Variants in DBH observed in about 807,000 individuals in gnomAD.
The protein encoded by DBH is dopamine beta-hydroxylase.
In DBH, 49 loss-of-function variants were observed where a neutral mutation model predicts 64.0. The observed-to-expected ratio is 0.77, with a 90% CI of 0.61 to 0.97. DBH has a LOEUF of 0.97. Among genes scored for constraint, DBH ranks in the 50% least tolerant of loss-of-function variants. DBH has a pLI of 0.00. For missense variants in DBH, 828 were observed against 826.6 expected, an observed-to-expected ratio of 1.00 and a Z score of -0.02; for synonymous variants, 343 against 347.1, an observed-to-expected ratio of 0.99 and a Z score of 0.13.
chr9:133,647,770 G>A, intron 5 of DBH, 76 bp from the exon 6 acceptor site: 1 of 1,579,640 alleles, frequency 6.3e-7, no homozygotes, highest in African/African-American at 1.4e-5. Context: ...TGGGGTCATA[G>A]GGATAATCTG....
At chr9:133,657,271 G>T (rs766703857) in intron 11 of DBH, 42 bp downstream of exon 11, 2 of 1,611,062 alleles carry the variant, frequency 1.2e-6, no homozygotes, top group South Asian at 1.1e-5. Flanking sequence ...AGTCAGGCAG[G>T]CCTCATGGGG....
intron 10 of DBH, 101 bp from the exon 11 acceptor site, chr9:133,656,969 C>T: frequency 7.2e-7 from 1 of 1,383,804 alleles, no homozygotes; most frequent in Non-Finnish European, 1.0e-6. Context: ...GGACGGTTGC[C>T]CCAGGGACAG....
intron 6 of DBH, among the ~76,000 whole-genome samples, chr9:133,649,725 A>C (rs541649399): frequency 6.6e-6 from 1 of 152,350 alleles, no homozygotes; most frequent in East Asian, 1.9e-4. Flanking sequence ...GCGTGGGCCC[A>C]TGTAAAAGGC....
chr9:133,652,987 G>A lies in DBH; in HGVS notation c.1422G>A (p.Glu474=). The change falls in exon 9 of 12, where the codon GAG becomes GAA. Residue 474 remains glutamate, a synonymous_variant. Coordinates refer to ENST00000393056, the MANE Select transcript of DBH (RefSeq NM_000787.4). ...GCACGTACAACACAGAAGACCGGGA[G>A]CTGGCCACAGTGGTAAGTCACCCCC... The part of the protein sequence containing the change: ...TSCTYNTEDR[E]LATVGGFGIL... 2 of 1,613,316 alleles carry A rather than the reference G, an allele frequency of 1.2e-6. No individual in the cohort carries two copies. Among genetic ancestry groups the A allele is most frequent in the East Asian group, 2.2e-5 (1 of 44,872 alleles).
chr9:133,654,592 TGTCA>T (rs1419226288), intron 9 of DBH: 1 of 152,240 alleles, frequency 6.6e-6, no homozygotes, highest in African/African-American at 2.4e-5. Flanking sequence ...AGGACAGCTT[TGTCA>T]GTCCTTTATT....
At chr9:133,653,916 T>C (rs1832281196) in intron 9 of DBH, among the ~76,000 whole-genome samples, 1 of 152,174 alleles carries the variant, frequency 6.6e-6, no homozygotes, top group Non-Finnish European at 1.5e-5. Context: ...GCTGCTTCGG[T>C]AACCATGGTG....
chr9:133,643,505 C>A lies in DBH; in HGVS notation c.837C>A (p.Phe279Leu). The change falls in exon 4 of 12, where the codon TTC becomes TTA. Residue 279 changes from phenylalanine (F) to leucine (L), a missense_variant. Phe to Leu is a conservative substitution (Grantham distance 22, BLOSUM62 0). Transcript: ENST00000393056. This position sits in a 1 kb window ranked among gnomAD's most constrained non-coding sequence, Gnocchi z 5.3. ...CAPEMDSVPHFSGPCDSKMKP... is the reference protein window; with the variant it reads ...CAPEMDSVPHLSGPCDSKMKP... The stretch of plus-strand genomic sequence containing the variant: ...CCGAGATGGACAGCGTCCCCCACTT[C>A]AGCGGGCCCTGCGACTCCAAGATGA... 6.2e-7 allele frequency: 1 copy of A among 1,613,892 alleles called. No individual in the cohort carries two copies. The highest frequency in any genetic ancestry group is 8.5e-7 in the Non-Finnish European group (1 of 1,179,996).
chr9:133,651,604 C>T, intron 6 of DBH, 30 bp from the exon 7 acceptor site: 1 of 1,612,352 alleles, frequency 6.2e-7, no homozygotes, highest in South Asian at 1.1e-5. Context: ...GGGGGTCAGG[C>T]CCTGACACTG....
chr9:133,643,290 T>G lies in DBH; in HGVS notation c.745-123T>G. ...AGGCTGTGAACCCCAGAAGTGCCCC[T>G]GAAATTGTCTGGATCATCCCTCCCA... On this transcript the variant is annotated intron_variant, in intron 3 of 11. Transcript: ENST00000393056. The surrounding 1 kb of genome is among the most constrained non-coding windows in gnomAD (Gnocchi z 5.3). The G allele has an allele frequency of 2.8e-6, 3 of 1,058,252 alleles. No homozygotes were observed. Among genetic ancestry groups the G allele is most frequent in the Non-Finnish European group, 4.3e-6 (3 of 703,072 alleles). 65.6% of individuals were successfully genotyped at this position (1,058,252 alleles called of 1,614,324 possible).
chr9:133,639,888 C>T lies in DBH; in HGVS notation c.382C>T (p.Gln128Ter), dbSNP rs1268865720. ...GAAGGGGCAGATCCACCTGGATCCC[C>T]AGCAGGACTACCAGCTGCTGCAGGT... The part of the protein sequence containing the change: ...DQKGQIHLDP[Q>*]QDYQLLQVQR... Residue 128 changes from glutamine to a stop codon, truncating the protein, a stop_gained, in exon 2 of 12, where the codon CAG becomes TAG. Coordinates refer to ENST00000393056, the MANE Select transcript of DBH (RefSeq NM_000787.4). LOFTEE classifies it high-confidence loss of function. The T allele has an allele frequency of 6.2e-7, 1 of 1,612,946 alleles. No homozygotes were observed. Among genetic ancestry groups the T allele is most frequent in the Non-Finnish European group, 8.5e-7 (1 of 1,179,686 alleles).
chr9:133,647,762 G>A, intron 5 of DBH, 84 bp from the exon 6 acceptor site: 1 of 1,549,538 alleles, frequency 6.5e-7, no homozygotes, highest in Non-Finnish European at 8.8e-7. Context: ...AGGGTGGCTG[G>A]GGTCATAGGG....
At position 133,658,753 on chromosome 9, in the gene DBH, G is replaced by T. The variant is rs923879612; in HGVS notation, c.*306G>T. 54 of 232,190 alleles carry T rather than the reference G, an allele frequency of 2.3e-4. No homozygotes were observed. The highest frequency in any genetic ancestry group is 1.1e-3 in the African/African-American group (50 of 44,106). 14.4% of individuals were successfully genotyped at this position (232,190 alleles called of 1,614,324 possible). ...ACAGTGGTCCAGGGTCCAGCCCTCC[G>T]CCAGCCCTGTTCCGCCTCACTGGGT... On this transcript the variant is annotated 3_prime_UTR_variant, in exon 12 of 12. Transcript: ENST00000393056.
At position 133,640,944 on chromosome 9, in the gene DBH, C is replaced by A. The variant is rs561784228; in HGVS notation, c.486+952C>A. Among the ~76,000 whole-genome samples, 9 of 152,184 alleles carry A rather than the reference C, an allele frequency of 5.9e-5. No homozygotes were observed. In the South Asian group the frequency reaches 1.7e-3, roughly 28 times the overall value. On this transcript the variant is annotated intron_variant, in intron 2 of 11. Coordinates refer to ENST00000393056, the MANE Select transcript of DBH (RefSeq NM_000787.4). Reference sequence around the variant, plus strand: ...ACAATTCTGGTGGGCTCTGGGTGGCCGGGGTGGTCTCTAGTTGCCTGGTTC... The same window carrying A: ...ACAATTCTGGTGGGCTCTGGGTGGCAGGGGTGGTCTCTAGTTGCCTGGTTC...
In DBH at chr9:133,636,557, A is replaced by G. The variant is rs766920830; in HGVS notation, c.186A>G (p.Ser62=). The G allele has an allele frequency of 1.9e-6, 3 of 1,613,590 alleles. No homozygotes were observed. The highest frequency in any genetic ancestry group is 3.3e-5 in the Admixed American group (2 of 60,014). The part of the protein sequence containing the change: ...PLDPEGSLEL[S]WNVSYTQEAI... Reference sequence around the variant, plus strand: ...ACCCGGAGGGGTCCCTGGAGCTCTCATGGAATGTCAGCTACACCCAGGAGG... The same window carrying G: ...ACCCGGAGGGGTCCCTGGAGCTCTCGTGGAATGTCAGCTACACCCAGGAGG... The change falls in exon 1 of 12, where the codon TCA becomes TCG. Residue 62 remains serine (S), a synonymous_variant. Coordinates refer to ENST00000393056, the MANE Select transcript of DBH (RefSeq NM_000787.4).
chr9:133,648,069 G>A, intron 6 of DBH, 57 bp downstream of exon 6: 1 of 1,561,018 alleles, frequency 6.4e-7, no homozygotes, highest in South Asian at 1.2e-5. Flanking sequence ...CCTCAGTGGA[G>A]GCCTGGCAGG....
chr9:133,643,650 T>G lies in DBH; in HGVS notation c.921+61T>G. The G allele has an allele frequency of 6.3e-7, 1 of 1,582,860 alleles. No individual in the cohort carries two copies. Among genetic ancestry groups the G allele is most frequent in the Non-Finnish European group, 8.6e-7 (1 of 1,157,520 alleles). On this transcript the variant is annotated intron_variant, in intron 4 of 11. Coordinates refer to ENST00000393056, the MANE Select transcript of DBH (RefSeq NM_000787.4). This position sits in a 1 kb window ranked among gnomAD's most constrained non-coding sequence, Gnocchi z 5.3. ...CCTGGGCCCCTGGCATCCCCACACC[T>G]CTGTTTCCCCAGCTTCACCGTCTCA...
chr9:133,653,096 C>T (rs1366380006), intron 9 of DBH, 97 bp downstream of exon 9: 1 of 931,256 alleles, frequency 1.1e-6, no homozygotes, highest in African/African-American at 1.6e-5. Flanking sequence ...TCACTTAGGG[C>T]ATGGGCTCGT....
rs141377669 is a variant in DBH at position 133,658,278 on chromosome 9, C to T, written c.1723-38C>T. 1,486 of 1,612,804 alleles carry T rather than the reference C, an allele frequency of 9.2e-4. 5 individuals carry two copies. The African/African-American group carries it at 0.018, about 20-fold the overall frequency. On this transcript the variant is annotated intron_variant, in intron 11 of 11. Coordinates refer to ENST00000393056, the MANE Select transcript of DBH (RefSeq NM_000787.4). ...GGGGAAGCAGCCACCCATCTTGCCC[C>T]TCCAGCCTCAGTTTACCTCCTGCCC...
chr9:133,654,646 G>C (rs117665157), intron 9 of DBH: 1 of 152,256 alleles, frequency 6.6e-6, no homozygotes, highest in Non-Finnish European at 1.5e-5. Flanking sequence ...AGCAGTGGCT[G>C]ATGTCGGGTG....
Sources: gnomAD v4.1 joint callset for allele counts (sites outside exome capture counted in the v4.1 genomes callset) on GRCh38, gnomAD v4.1.1 for gene constraint, Gnocchi (gnomAD v3.1) non-coding constraint, MANE v1.5 for transcripts, NCBI Gene and HGNC (gene_info 2026-07-23, HGNC 2026-07-21) for gene names.